The following MACROD2 variants were observed in gnomAD, a reference collection of about 807,000 sequenced individuals.
The protein encoded by MACROD2 is mono-ADP ribosylhydrolase 2.
Under a neutral mutation model 70.4 loss-of-function variants are expected in MACROD2, and 36 were observed. That is an observed-to-expected ratio of 0.51 (90% confidence interval 0.39 to 0.68). MACROD2 has a LOEUF of 0.68. Among genes scored for constraint, MACROD2 ranks in the 30% least tolerant of loss-of-function variants. The pLI, the probability that MACROD2 is intolerant of heterozygous loss-of-function variation, is 0.00. For missense variants in MACROD2, 496 were observed against 538.4 expected, an observed-to-expected ratio of 0.92 and a Z score of 0.78; for synonymous variants, 172 against 178.8, an observed-to-expected ratio of 0.96 and a Z score of 0.30.
chr20:14,999,422 G>A (rs2074975741), intron 5 of MACROD2, among the ~76,000 whole-genome samples: 1 of 152,310 alleles, frequency 6.6e-6, no homozygotes, highest in South Asian at 2.1e-4. Flanking sequence ...ACTTTGGGAG[G>A]CTGATGTAGG....
At chr20:15,706,436 A>G (rs1227169564) in intron 8 of MACROD2, among the ~76,000 whole-genome samples, 1 of 152,234 alleles carries the variant, frequency 6.6e-6, no homozygotes, top group Non-Finnish European at 1.5e-5. Flanking sequence ...GTGAGAAGTG[A>G]TGGAAAATAA....
At chr20:14,736,698 A>G (rs1316153322) in intron 5 of MACROD2, among the ~76,000 whole-genome samples, 3 of 152,136 alleles carry the variant, frequency 2.0e-5, no homozygotes, top group Non-Finnish European at 4.4e-5. Context: ...ACTCTCTGAA[A>G]TAATCTTCAT....
intron 3 of MACROD2, among the ~76,000 whole-genome samples, chr20:14,291,535 G>T (rs1475675204): frequency 2.0e-5 from 3 of 151,892 alleles, no homozygotes; most frequent in Non-Finnish European, 4.4e-5. Flanking sequence ...GAATGAGAGT[G>T]ATATGAGTTT....
chr20:14,227,698 A>G (rs141244854), intron 3 of MACROD2, among the ~76,000 whole-genome samples: 1 of 152,362 alleles, frequency 6.6e-6, no homozygotes, highest in African/African-American at 2.4e-5. Flanking sequence ...AATTCCGGAT[A>G]CACTGGGATT....
At chr20:15,546,914 C>G (rs2048033166) in intron 8 of MACROD2, among the ~76,000 whole-genome samples, 1 of 152,272 alleles carries the variant, frequency 6.6e-6, no homozygotes, top group East Asian at 1.9e-4. Context: ...AAAGGAATCC[C>G]CTTTTCCAAA....
intron 4 of MACROD2, among the ~76,000 whole-genome samples, chr20:14,526,790 G>A (rs186944788): frequency 2.0e-5 from 3 of 152,162 alleles, no homozygotes; most frequent in Admixed American, 2.0e-4. Context: ...CCAAACCCAC[G>A]ACAGTGTCTA....
chr20:14,245,613 T>C (rs1231433492), intron 3 of MACROD2, among the ~76,000 whole-genome samples: 1 of 152,116 alleles, frequency 6.6e-6, no homozygotes, highest in Non-Finnish European at 1.5e-5. Flanking sequence ...ATATACAACT[T>C]TAACATTTCA....
At chr20:14,576,761 G>T (rs1203091021) in intron 4 of MACROD2, among the ~76,000 whole-genome samples, 1 of 152,164 alleles carries the variant, frequency 6.6e-6, no homozygotes, top group Non-Finnish European at 1.5e-5. Context: ...TATAAAAATG[G>T]AGAAATGAAA....
chr20:14,333,619 A>G (rs952431855), intron 3 of MACROD2, among the ~76,000 whole-genome samples: 1 of 152,164 alleles, frequency 6.6e-6, no homozygotes, highest in African/African-American at 2.4e-5. Context: ...TGCAGACTTC[A>G]AATTCCTTTT....
At chr20:14,377,750 A>G (rs920189447) in intron 3 of MACROD2, among the ~76,000 whole-genome samples, 2 of 152,210 alleles carry the variant, frequency 1.3e-5, no homozygotes, top group Non-Finnish European at 2.9e-5. Flanking sequence ...ATGTTCTCTT[A>G]TACTTACAGA....
intron 8 of MACROD2, among the ~76,000 whole-genome samples, chr20:15,754,392 G>C (rs992796416): frequency 6.6e-6 from 1 of 152,196 alleles, no homozygotes; most frequent in African/African-American, 2.4e-5. Flanking sequence ...GGAGGCCAAG[G>C]TGGGCAGATC....
At chr20:14,529,167 C>T (rs2085272796) in intron 4 of MACROD2, among the ~76,000 whole-genome samples, 1 of 152,136 alleles carries the variant, frequency 6.6e-6, no homozygotes, top group South Asian at 2.1e-4. Flanking sequence ...GCATTTTGCA[C>T]ACTGAAAAAG....
intron 8 of MACROD2, among the ~76,000 whole-genome samples, chr20:15,817,873 G>A (rs1471960099): frequency 6.6e-6 from 1 of 152,172 alleles, no homozygotes; most frequent in Non-Finnish European, 1.5e-5. Flanking sequence ...GCCTGGCCCT[G>A]CCCTTCCTTC....
chr20:14,448,069 G>A (rs2084203451), intron 3 of MACROD2, among the ~76,000 whole-genome samples: 1 of 151,570 alleles, frequency 6.6e-6, no homozygotes, highest in Non-Finnish European at 1.5e-5. Flanking sequence ...GGCCAAGAGA[G>A]TGTGAAGCCA....
chr20:15,770,219 A>G (rs1338816288), intron 8 of MACROD2, among the ~76,000 whole-genome samples: 2 of 150,222 alleles, frequency 1.3e-5, no homozygotes, highest in Non-Finnish European at 3.0e-5. Context: ...TTCATAAGTC[A>G]CTGCATCCAG....
chr20:15,768,409 G>T (rs191194537), intron 8 of MACROD2, among the ~76,000 whole-genome samples: 146 of 152,186 alleles, frequency 9.6e-4, no homozygotes, highest in African/African-American at 3.4e-3. Flanking sequence ...ACATAGAAAA[G>T]ATACTGTAAA....
intron 3 of MACROD2, among the ~76,000 whole-genome samples, chr20:14,278,848 T>G (rs1412076395): frequency 7.9e-6 from 1 of 127,146 alleles, no homozygotes. Flanking sequence ...TATTTAAATT[T>G]AAATACTAAT....
At chr20:15,940,943 A>G (rs1461790909) in intron 12 of MACROD2, among the ~76,000 whole-genome samples, 2 of 152,196 alleles carry the variant, frequency 1.3e-5, no homozygotes, top group Non-Finnish European at 2.9e-5. Flanking sequence ...TTTAAGAAAC[A>G]TGAAAGAGGG....
chr20:15,598,878 C>T (rs765501086), intron 8 of MACROD2, among the ~76,000 whole-genome samples: 3 of 152,120 alleles, frequency 2.0e-5, no homozygotes, highest in Non-Finnish European at 4.4e-5. Context: ...TCATTGTTTA[C>T]GTGAAATTCC....
Sources: allele counts gnomAD v4.1 joint callset (sites outside exome capture counted in the v4.1 genomes callset), GRCh38; gene constraint gnomAD v4.1.1; transcripts MANE v1.5; gene names NCBI Gene and HGNC (gene_info 2026-07-23, HGNC 2026-07-21).